CFAP91: variants seen among roughly 807,000 people sequenced by gnomAD.
CFAP91 encodes the protein cilia and flagella associated protein 91, also known as cilia- and flagella-associated protein 91.
CFAP91 carries 85 observed loss-of-function variants against 95.9 expected under a neutral mutation model. The observed-to-expected ratio is 0.89, with a 90% CI of 0.74 to 1.06. The LOEUF is 1.06. CFAP91 is among the 50% of genes least tolerant of loss of function. CFAP91 has a pLI of 0.00. For synonymous variants in CFAP91, 335 were observed against 327.5 expected (o/e 1.02, Z -0.25); for missense variants, 962 against 943.4 (o/e 1.02, Z -0.26).
At chr3:119,703,357 T>C (rs7624672) in intron 1 of CFAP91, 135 bp downstream of exon 1, 1,377,064 of 1,401,180 alleles carry the variant, frequency 0.98, 679,835 homozygotes, top group East Asian at 1. Flanking sequence ...ACGGTTGTCC[T>C]TGGTCGGGTG....
chr3:119,740,550 T>C lies in CFAP91; in HGVS notation c.1535T>C (p.Met512Thr). The C allele has an allele frequency of 1.2e-6, 2 of 1,613,156 alleles. No individual in the cohort carries two copies. The highest frequency in any genetic ancestry group is 1.1e-5 in the South Asian group (1 of 91,016). ...TGTCTTTGATTTGATTTGATACAGA[T>C]GTTTGAAGGGAAAGAAAAGCGACTG... ...LLRGRVVQNM[M>T]FEGKEKRLEL... The change falls in exon 13 of 18, where the codon ATG becomes ACG. Residue 512 changes from methionine to threonine, a missense_variant and splice_region_variant. Physicochemically the swap from Met to Thr is moderately conservative, Grantham distance 81. Coordinates refer to ENST00000273390, the MANE Select transcript of CFAP91 (RefSeq NM_033364.4).
intron 5 of CFAP91, 116 bp from the exon 6 acceptor site, chr3:119,715,446 A>G (rs1175001516): frequency 2.3e-6 from 2 of 877,894 alleles, no homozygotes; most frequent in Non-Finnish European, 3.8e-6. Context: ...GTACCTGTCA[A>G]CATTTAAAAG....
At position 119,766,445 on chromosome 3, in the gene CFAP91, G is replaced by A. The variant is rs2107931397; in HGVS notation, c.*1395G>A. ...CAAAAAACACTGCACCAGTAAGGAA[G>A]CAACTAAATTTTGTTTTGTTCTTTG... On this transcript the variant is annotated 3_prime_UTR_variant, in exon 18 of 18. Coordinates refer to ENST00000273390, the MANE Select transcript of CFAP91 (RefSeq NM_033364.4). The A allele has an allele frequency of 6.6e-6, 1 of 152,234 alleles. No individual in the cohort carries two copies. Among genetic ancestry groups the A allele is most frequent in the South Asian group, 2.1e-4 (1 of 4,820 alleles). The allele number at this position is 152,234 out of a possible 1,614,324, so 9.4% of individuals were successfully genotyped here.
intron 4 of CFAP91, among the ~76,000 whole-genome samples, chr3:119,708,988 A>G (rs989051268): frequency 2.0e-5 from 3 of 152,216 alleles, no homozygotes; most frequent in South Asian, 2.1e-4. Flanking sequence ...AACTAAGAAT[A>G]TGTATTTGAA....
intron 16 of CFAP91, among the ~76,000 whole-genome samples, chr3:119,748,213 A>T (rs557184838): frequency 9.3e-4 from 142 of 152,324 alleles, no homozygotes; most frequent in African/African-American, 1.6e-3. Context: ...CATAAAACAG[A>T]TATTGAGCAT....
chr3:119,751,173 TCAAA>T (rs3215319), intron 17 of CFAP91, 75 bp downstream of exon 17: 18,922 of 1,461,600 alleles, frequency 0.013, 390 homozygotes, highest in East Asian at 0.11. Flanking sequence ...TGTGCTGTGC[TCAAA>T]CAATCATAAT....
intron 12 of CFAP91, 108 bp downstream of exon 12, chr3:119,739,434 C>A: frequency 1.0e-6 from 1 of 955,408 alleles, no homozygotes; most frequent in Non-Finnish European, 1.7e-6. Flanking sequence ...CCCTGCTATC[C>A]TATTCAGCTA....
intron 6 of CFAP91, among the ~76,000 whole-genome samples, chr3:119,723,347 A>G (rs1273726446): frequency 6.6e-6 from 1 of 152,148 alleles, no homozygotes; most frequent in Non-Finnish European, 1.5e-5. Context: ...TAGCTGCTAG[A>G]CTCTAGCATT....
chr3:119,712,154 G>A (rs959234872), intron 5 of CFAP91, among the ~76,000 whole-genome samples: 3 of 152,220 alleles, frequency 2.0e-5, no homozygotes, highest in African/African-American at 7.2e-5. Flanking sequence ...TTGAGGTTGG[G>A]GAGGAGGTGG....
intron 1 of CFAP91, 49 bp from the exon 2 acceptor site, chr3:119,706,760 G>C: frequency 7.4e-7 from 1 of 1,356,972 alleles, no homozygotes; most frequent in South Asian, 1.2e-5. Flanking sequence ...TCTCAGCCTA[G>C]GGGTAGATAT....
At chr3:119,724,867 C>T (rs1410038413) in intron 6 of CFAP91, among the ~76,000 whole-genome samples, 2 of 152,190 alleles carry the variant, frequency 1.3e-5, no homozygotes, top group African/African-American at 4.8e-5. Flanking sequence ...GCCTCAGCCT[C>T]CCAAGTAGCT....
intron 17 of CFAP91, among the ~76,000 whole-genome samples, chr3:119,761,023 A>G (rs1217352392): frequency 6.6e-6 from 1 of 151,850 alleles, no homozygotes; most frequent in Non-Finnish European, 1.5e-5. Context: ...AATAATAAAG[A>G]TTAGACCAGA....
intron 17 of CFAP91, among the ~76,000 whole-genome samples, chr3:119,759,416 A>T (rs1331585973): frequency 6.6e-6 from 1 of 152,074 alleles, no homozygotes; most frequent in African/African-American, 2.4e-5. Flanking sequence ...CTTATGGAAT[A>T]CTATTTCCTG....
chr3:119,707,136 C>T, intron 2 of CFAP91: 1 of 538,608 alleles, frequency 1.9e-6, no homozygotes, highest in Non-Finnish European at 3.3e-6. Flanking sequence ...TAATATATGC[C>T]CATGTTAAAA....
chr3:119,732,112 T>C (rs759432638), intron 8 of CFAP91, among the ~76,000 whole-genome samples, 182 bp from the exon 9 acceptor site: 1 of 152,238 alleles, frequency 6.6e-6, no homozygotes, highest in Non-Finnish European at 1.5e-5. Context: ...CTCATGACAA[T>C]CTGGGCCACA....
At chr3:119,708,544 T>C (rs1488939931) in intron 3 of CFAP91, 47 bp from the exon 4 acceptor site, 1 of 1,228,430 alleles carries the variant, frequency 8.1e-7, no homozygotes, top group Non-Finnish European at 1.2e-6. Context: ...AGAAATTATA[T>C]GTGGAAATAT....
Position 119,707,190 on chromosome 3 carries a change from T to C in CFAP91, c.202-214T>C, listed in dbSNP as rs74569358. 949 of 528,902 alleles carry C rather than the reference T, an allele frequency of 1.8e-3. 5 individuals are homozygous for C. The highest frequency in any genetic ancestry group is 0.015 in the African/African-American group (810 of 52,912). 32.8% of individuals were successfully genotyped at this position (528,902 alleles called of 1,614,324 possible). A position where few individuals can be genotyped will look rare whatever the true frequency, so the allele number is the denominator to read the frequency against. On this transcript the variant is annotated intron_variant, in intron 2 of 17. Coordinates refer to ENST00000273390, the MANE Select transcript of CFAP91 (RefSeq NM_033364.4). ...AGCATATACAGTGTGAAGTAAATTC[T>C]AGCCCTATCCCCTACCCCCTCCACA... is the stretch of plus-strand genomic sequence containing the variant.
chr3:119,746,951 A>G (rs1008326955), intron 14 of CFAP91, among the ~76,000 whole-genome samples, 164 bp from the exon 15 acceptor site: 2 of 152,220 alleles, frequency 1.3e-5, no homozygotes, highest in Non-Finnish European at 2.9e-5. Context: ...TGGATGAGAA[A>G]CAGACTGATG....
At chr3:119,719,014 T>C (rs2053630900) in intron 6 of CFAP91, among the ~76,000 whole-genome samples, 1 of 151,930 alleles carries the variant, frequency 6.6e-6, no homozygotes, top group Admixed American at 6.6e-5. Flanking sequence ...TTATGATAAC[T>C]CCAAACTGAA....
Sources: gnomAD v4.1 joint callset for allele counts (sites outside exome capture counted in the v4.1 genomes callset) on GRCh38, gnomAD v4.1.1 for gene constraint, MANE v1.5 for transcripts, NCBI Gene and HGNC (gene_info 2026-07-23, HGNC 2026-07-21) for gene names.